Variants in GSDMD observed in about 807,000 individuals in gnomAD.
GSDMD encodes the protein gasdermin-D.
A neutral mutation model predicts 46.7 loss-of-function variants in GSDMD; 46 were observed. The observed-to-expected ratio is 0.99, with a 90% CI of 0.78 to 1.26. The LOEUF (loss-of-function observed/expected upper bound fraction) is 1.26. GSDMD is among the 50% of genes most tolerant of loss of function. The pLI is 0.00. For synonymous variants in GSDMD, 307 were observed against 283.1 expected, an observed-to-expected ratio of 1.08 and a Z score of -0.85; for missense variants, 649 against 638.8, an observed-to-expected ratio of 1.02 and a Z score of -0.17.
At chr8:143,560,838 G>A (rs539164314) in intron 4 of GSDMD, 67 bp downstream of exon 4, 72 of 1,445,734 alleles carry the variant, frequency 5.0e-5, no homozygotes, top group African/African-American at 4.5e-4. Flanking sequence ...TGACGGAGGC[G>A]GCGGGCTGGG....
upstream of GSDMD, among the ~76,000 whole-genome samples, chr8:143,557,199 C>T (rs1823313901): frequency 6.6e-6 from 1 of 152,280 alleles, no homozygotes; most frequent in African/African-American, 2.4e-5. Context: ...TGACCGTGGG[C>T]GCCGTTCTAC....
chr8:143,558,526 G>A (rs1377177347), intron 1 of GSDMD, 75 bp downstream of exon 1: 19 of 1,318,434 alleles, frequency 1.4e-5, no homozygotes, highest in Non-Finnish European at 1.9e-5. Context: ...TCCCGGGTGG[G>A]GGATGCTGGC....
At chr8:143,561,303 G>A (rs937897918) in intron 5 of GSDMD, 67 bp from the exon 6 acceptor site, 2 of 1,455,218 alleles carry the variant, frequency 1.4e-6, no homozygotes, top group Non-Finnish European at 1.9e-6. Context: ...CTCCTAGTAG[G>A]GGAGGGGAGG....
At chr8:143,558,186 G>A, upstream of GSDMD, 1 of 810,118 alleles carries the variant, frequency 1.2e-6, no homozygotes, top group Non-Finnish European at 1.8e-6. Context: ...GTGCTATGAA[G>A]TTTGAGGCTA....
rs766625613 is a variant in GSDMD at position 143,561,800 on chromosome 8, G to A, written c.795G>A (p.Met265Ile). Residue 265 changes from methionine (M) to isoleucine (I), a missense_variant, in exon 7 of 11, where the codon ATG becomes ATA. Transcript: ENST00000262580. ...AWPQLPSGLSMMRCLHNFLTD... is the reference protein window; with the variant it reads ...AWPQLPSGLSIMRCLHNFLTD... The stretch of plus-strand genomic sequence containing the variant: ...CACAGCTGCCCTCTGGCCTCTCCAT[G>A]ATGAGGTGCCTCCACAACTTCCTGA... 5 of 1,610,830 alleles carry A rather than the reference G, an allele frequency of 3.1e-6. No individual in the cohort carries two copies. Among genetic ancestry groups the A allele is most frequent in the Non-Finnish European group, 4.2e-6 (5 of 1,178,940 alleles).
Position 143,559,871 on chromosome 8 carries a change from C to G in GSDMD, c.312C>G (p.Ile104Met), listed in dbSNP as rs376510158. The change falls in exon 3 of 11, where the codon ATC (isoleucine) becomes ATG (methionine). Residue 104 changes from isoleucine (I) to methionine (M), a missense_variant. By Grantham distance (10) the Ile-to-Met change is conservative. Coordinates refer to ENST00000262580, the MANE Select transcript of GSDMD (RefSeq NM_024736.7). Reference sequence around the variant, plus strand: ...TGGCAGCCCCAGGACAGGCAAAGATCGCAGGCGGGGCCGCGGTGTCTGACA... The same window carrying G: ...TGGCAGCCCCAGGACAGGCAAAGATGGCAGGCGGGGCCGCGGTGTCTGACA... ...VELAAPGQAK[I>M]AGGAAVSDSS... 6 of 1,612,772 alleles carry G rather than the reference C, an allele frequency of 3.7e-6. No individual in the cohort carries two copies. The South Asian group carries it at 4.4e-5, about 12-fold the overall frequency.
At chr8:143,557,274 G>T (rs1458861444), upstream of GSDMD, among the ~76,000 whole-genome samples, 1 of 129,064 alleles carries the variant, frequency 7.7e-6, no homozygotes, top group Non-Finnish European at 1.7e-5. Flanking sequence ...GATGGACAGG[G>T]TTTCCACCTT....
At chr8:143,562,585 C>T in intron 10 of GSDMD, 64 bp downstream of exon 10, 2 of 1,596,648 alleles carry the variant, frequency 1.3e-6, no homozygotes, top group Admixed American at 1.7e-5. Context: ...CCCTGTGGCA[C>T]CTGGGAAGGG....
At chr8:143,555,358 A>G (rs1416175255), upstream of GSDMD, among the ~76,000 whole-genome samples, 1 of 152,154 alleles carries the variant, frequency 6.6e-6, no homozygotes, top group African/African-American at 2.4e-5. Context: ...GAGGGTGCAG[A>G]GCCCCAGGCT....
chr8:143,554,868 C>T (rs912615082), upstream of GSDMD, among the ~76,000 whole-genome samples: 2 of 152,274 alleles, frequency 1.3e-5, no homozygotes, highest in African/African-American at 4.8e-5. Context: ...TCTGGGCCCA[C>T]ACCCAGCTAA....
At chr8:143,559,745 T>G (rs1823403534) in intron 2 of GSDMD, 32 bp from the exon 3 acceptor site, 1 of 1,556,298 alleles carries the variant, frequency 6.4e-7, no homozygotes, top group East Asian at 2.3e-5. Context: ...GGCGGGGCGC[T>G]GGGCACAGCC....
Position 143,559,496 on chromosome 8 carries a change from A to G in GSDMD, c.161A>G (p.Tyr54Cys), listed in dbSNP as rs772874441. The G allele has an allele frequency of 3.1e-6, 5 of 1,612,910 alleles. No individual in the cohort carries two copies. Among genetic ancestry groups the G allele is most frequent in the Admixed American group, 1.7e-5 (1 of 60,026 alleles). Reference protein sequence around the residue: ...PSSSWFWKPRYKCVNLSIKDI... With the variant: ...PSSSWFWKPRCKCVNLSIKDI... Reference sequence around the variant, plus strand: ...AGCTCATGGTTCTGGAAACCCCGTTATAAGTGTGTCAACCTGTCTATCAAG... The same window carrying G: ...AGCTCATGGTTCTGGAAACCCCGTTGTAAGTGTGTCAACCTGTCTATCAAG... Residue 54 changes from tyrosine (Y) to cysteine (C), a missense_variant, in exon 2 of 11, where the codon TAT (tyrosine) becomes TGT (cysteine). Coordinates refer to ENST00000262580, the MANE Select transcript of GSDMD (RefSeq NM_024736.7).
At chr8:143,559,298 A>G (rs1157878145) in intron 1 of GSDMD, 34 bp from the exon 2 acceptor site, 1 of 441,190 alleles carries the variant, frequency 2.3e-6, no homozygotes, top group Non-Finnish European at 4.6e-6. Flanking sequence ...GCCCGCCCCG[A>G]GAGCACAATG....
Position 143,559,960 on chromosome 8 carries a change from T to C in GSDMD, c.401T>C (p.Leu134Pro). ...SVDPNTWQTL[L>P]HERHLRQPEH... ...GACCCTAACACCTGGCAGACTCTGC[T>C]CCATGAGAGGTGGGCCCGAAGAGGG... Residue 134 changes from leucine to proline, a missense_variant, in exon 3 of 11, where the codon CTC becomes CCC. Physicochemically the swap from Leu to Pro is moderately conservative, Grantham distance 98. Transcript: ENST00000262580. 6.2e-7 allele frequency: 1 copy of C among 1,609,560 alleles called. No homozygotes were observed. Among genetic ancestry groups the C allele is most frequent in the Non-Finnish European group, 8.5e-7 (1 of 1,178,508 alleles).
At chr8:143,556,829 A>G (rs1004192933), upstream of GSDMD, among the ~76,000 whole-genome samples, 4 of 152,276 alleles carry the variant, frequency 2.6e-5, no homozygotes, top group African/African-American at 9.6e-5. Flanking sequence ...GATTTTTAAA[A>G]TAACTGCTTT....
upstream of GSDMD, among the ~76,000 whole-genome samples, chr8:143,556,741 C>G (rs1823304018): frequency 6.6e-6 from 1 of 152,186 alleles, no homozygotes; most frequent in Non-Finnish European, 1.5e-5. Context: ...GGGCCCATGG[C>G]CCTGGGCCCA....
rs757051311 is a variant in GSDMD, at chr8:143,560,687, G to T, written c.495G>T (p.Gln165His). The T allele has an allele frequency of 1.1e-5, 17 of 1,585,518 alleles. No homozygotes were observed. The South Asian group carries it at 1.9e-4, about 18-fold the overall frequency. The change falls in exon 4 of 11, where the codon CAG (glutamine) becomes CAT (histidine). Residue 165 changes from glutamine (Q) to histidine (H), a missense_variant. Physicochemically the swap from Gln to His is conservative, Grantham distance 24. Transcript: ENST00000262580. ...DNVYVVTEVL[Q>H]TQKEVEVTRT... ...TGTACGTGGTGACTGAGGTGCTGCA[G>T]ACACAGAAGGAGGTGGAAGTCACGC...
chr8:143,563,030 G>A lies in GSDMD; in HGVS notation c.*126G>A, dbSNP rs1333059973. On this transcript the variant is annotated 3_prime_UTR_variant, in exon 11 of 11. Transcript: ENST00000262580. The stretch of plus-strand genomic sequence containing the variant: ...AGTCTACCATGGGGCCCAGGAGTTG[G>A]GGAAACACAATAAAGGTGGCATACG... 1 of 1,266,416 alleles carries A rather than the reference G, an allele frequency of 7.9e-7. No individual in the cohort carries two copies. The highest frequency in any genetic ancestry group is 1.1e-6 in the Non-Finnish European group (1 of 911,588). The allele number at this position is 1,266,416 out of a possible 1,614,324, so 78.4% of individuals were successfully genotyped here. A position where few individuals can be genotyped will look rare whatever the true frequency, so the allele number is the denominator to read the frequency against.
In GSDMD at chr8:143,562,975, G is replaced by A. The variant is rs1243491879; in HGVS notation, c.*71G>A. On this transcript the variant is annotated 3_prime_UTR_variant, in exon 11 of 11. Coordinates refer to ENST00000262580, the MANE Select transcript of GSDMD (RefSeq NM_024736.7). Reference sequence around the variant, plus strand: ...TTTGCCCACCAGCTGCTAGCCCTAGGAAGGCCAGGAGCCCAGTAGCCATGT... The same window carrying A: ...TTTGCCCACCAGCTGCTAGCCCTAGAAAGGCCAGGAGCCCAGTAGCCATGT... 3 of 1,592,684 alleles carry A rather than the reference G, an allele frequency of 1.9e-6. No individual in the cohort carries two copies. The South Asian group carries it at 3.4e-5, about 18-fold the overall frequency.
Sources: gnomAD v4.1 joint callset for allele counts (sites outside exome capture counted in the v4.1 genomes callset) on GRCh38, gnomAD v4.1.1 for gene constraint, MANE v1.5 for transcripts, NCBI Gene and HGNC (gene_info 2026-07-23, HGNC 2026-07-21) for gene names.